The following CDH13 variants were observed in gnomAD, a reference collection of about 807,000 sequenced individuals.
The protein encoded by CDH13 is cadherin 13.
CDH13 carries 24 observed loss-of-function variants against 63.8 expected under a neutral mutation model. The ratio of observed to expected loss-of-function variants is 0.38; its 90% confidence interval spans 0.27 to 0.53. The LOEUF (loss-of-function observed/expected upper bound fraction) is 0.53, where lower values mean the gene tolerates loss of function less well. Ranked by LOEUF, CDH13 falls within the 20% of genes least tolerant of loss-of-function variation. CDH13 has a pLI of 0.85. For missense variants in CDH13, 1,049 were observed against 903.1 expected (o/e 1.16, Z -2.07); for synonymous variants, 503 against 355.3 (o/e 1.42, Z -4.67).
At chr16:82,633,404 G>C (rs1370740122) in intron 1 of CDH13, among the ~76,000 whole-genome samples, 1 of 152,172 alleles carries the variant, frequency 6.6e-6, no homozygotes, top group African/African-American at 2.4e-5. Flanking sequence ...CTTTGAGACG[G>C]AGTCTTGCTT....
intron 5 of CDH13, among the ~76,000 whole-genome samples, chr16:83,219,354 G>T (rs1468883598): frequency 6.6e-6 from 1 of 152,180 alleles, no homozygotes; most frequent in Non-Finnish European, 1.5e-5. Context: ...GTAGTTAAAA[G>T]CATGGATTCT....
intron 11 of CDH13, among the ~76,000 whole-genome samples, chr16:83,755,912 T>A (rs1179473100): frequency 6.6e-6 from 1 of 152,040 alleles, no homozygotes; most frequent in African/African-American, 2.4e-5. Context: ...GTAAATGAAG[T>A]AAAATTGTAA....
At position 83,175,995 on chromosome 16, in the gene CDH13, ATTTTTG is replaced by A. The variant is rs947340248; in HGVS notation, c.484-41326_484-41321del. Among the ~76,000 whole-genome samples, 29 of 150,468 alleles carry A rather than the reference ATTTTTG, an allele frequency of 1.9e-4. No individual in the cohort carries two copies. In the East Asian group the frequency reaches 2.2e-3, roughly 11 times the overall value. On this transcript the variant is annotated intron_variant, in intron 4 of 13. Coordinates refer to ENST00000567109, the MANE Select transcript of CDH13 (RefSeq NM_001257.5). ...AGGCATGTGCCACAATGCCTGGCTA[ATTTTTG>A]TTTTTGTTTTTGTTTTTGTTTTTTT... is the stretch of plus-strand genomic sequence containing the variant.
intron 5 of CDH13, among the ~76,000 whole-genome samples, chr16:83,237,161 C>T (rs922992824): frequency 1.3e-5 from 2 of 152,114 alleles, no homozygotes; most frequent in African/African-American, 2.4e-5. Context: ...CAGCCTAAAG[C>T]GGTGTTCAGT....
intron 1 of CDH13, among the ~76,000 whole-genome samples, chr16:82,817,463 A>G (rs886612670): frequency 6.6e-6 from 1 of 152,156 alleles, no homozygotes; most frequent in African/African-American, 2.4e-5. Flanking sequence ...AAATACTCTC[A>G]TACACACAGA....
intron 5 of CDH13, among the ~76,000 whole-genome samples, chr16:83,315,049 G>T (rs2090078002): frequency 6.6e-6 from 1 of 152,190 alleles, no homozygotes; most frequent in South Asian, 2.1e-4. Flanking sequence ...CTACAAAAGG[G>T]TCACCCATGC....
intron 9 of CDH13, among the ~76,000 whole-genome samples, chr16:83,677,305 G>A (rs561082870): frequency 6.6e-6 from 1 of 152,170 alleles, no homozygotes; most frequent in Admixed American, 6.5e-5. Context: ...GGCTGGGGGA[G>A]GTAGATACTA....
At chr16:82,845,251 A>T (rs143343224) in intron 1 of CDH13, among the ~76,000 whole-genome samples, 12 of 152,330 alleles carry the variant, frequency 7.9e-5, no homozygotes, top group African/African-American at 2.6e-4. Context: ...GTCTGCAAGA[A>T]GGCAGGTGGG....
chr16:83,110,587 C>T (rs552504871), intron 3 of CDH13, among the ~76,000 whole-genome samples: 40 of 152,254 alleles, frequency 2.6e-4, no homozygotes, highest in Admixed American at 7.2e-4. Flanking sequence ...CATACTTGTA[C>T]ATACTTACTG....
intron 10 of CDH13, among the ~76,000 whole-genome samples, chr16:83,720,607 C>A (rs1353310529): frequency 6.6e-6 from 1 of 152,016 alleles, no homozygotes; most frequent in African/African-American, 2.4e-5. Context: ...ACAAGGGGAG[C>A]CCAGAAATGA....
Position 83,757,060 on chromosome 16 carries a change from A to C in CDH13, c.1681+8810A>C, listed in dbSNP as rs143281484. ...AGTCTAACAAACGTTTTTAACTGCA[A>C]TTATTTCTAGTATATCCTCCAATCA... On this transcript the variant is annotated intron_variant, in intron 11 of 13. Transcript: ENST00000567109. Among the ~76,000 whole-genome samples the C allele has an allele frequency of 7.4e-3, 1,128 of 152,348 alleles. 7 individuals carry two copies. The highest frequency in any genetic ancestry group is 0.034 in the Middle Eastern group (10 of 294).
chr16:83,679,282 G>T (rs751245735), intron 10 of CDH13, among the ~76,000 whole-genome samples: 1 of 152,142 alleles, frequency 6.6e-6, no homozygotes. Context: ...TTAAATCAGC[G>T]TGCAGATCCA....
chr16:83,718,844 C>G (rs553867126), intron 10 of CDH13, among the ~76,000 whole-genome samples: 3 of 152,280 alleles, frequency 2.0e-5, no homozygotes, highest in Admixed American at 6.5e-5. Context: ...ACCCTGTATT[C>G]TTCTTGTCTC....
chr16:82,707,878 C>G lies in CDH13; in HGVS notation c.45+80741C>G, dbSNP rs540943823. ...TACCCAAAGAAAGGAGCATATGTGTCGGTTAGGGAAAGACCAAGCTTCCAT... is the reference window on the plus strand; with the variant it reads ...TACCCAAAGAAAGGAGCATATGTGTGGGTTAGGGAAAGACCAAGCTTCCAT... On this transcript the variant is annotated intron_variant, in intron 1 of 13. Coordinates refer to ENST00000567109, the MANE Select transcript of CDH13 (RefSeq NM_001257.5). Among the ~76,000 whole-genome samples, 5 of 152,240 alleles carry G rather than the reference C, an allele frequency of 3.3e-5. No homozygotes were observed. In the South Asian group the frequency reaches 8.3e-4, roughly 25 times the overall value.
chr16:82,792,902 C>G (rs17192646), intron 1 of CDH13, among the ~76,000 whole-genome samples: 10,255 of 148,682 alleles, frequency 0.069, 441 homozygotes, highest in Middle Eastern at 0.1. Context: ...GCCTGGCACT[C>G]TCCCAAAGGC....
intron 2 of CDH13, among the ~76,000 whole-genome samples, chr16:83,003,363 TTATC>T (rs1913140413): frequency 1.3e-5 from 2 of 152,196 alleles, no homozygotes; most frequent in African/African-American, 2.4e-5. Context: ...CATTGATAAT[TTATC>T]TATTTAACTG....
chr16:82,693,308 G>A (rs1448536035), intron 1 of CDH13, among the ~76,000 whole-genome samples: 1 of 152,130 alleles, frequency 6.6e-6, no homozygotes, highest in Non-Finnish European at 1.5e-5. Flanking sequence ...TTAGTTTGTG[G>A]CAAGATAACT....
intron 5 of CDH13, among the ~76,000 whole-genome samples, chr16:83,261,499 C>T (rs1161630654): frequency 1.3e-5 from 2 of 151,960 alleles, no homozygotes; most frequent in Non-Finnish European, 2.9e-5. Flanking sequence ...ATGAGTGGGG[C>T]TAGGTGTCCA....
intron 2 of CDH13, among the ~76,000 whole-genome samples, chr16:82,972,796 C>G (rs570689652): frequency 1.5e-4 from 23 of 152,246 alleles, no homozygotes; most frequent in African/African-American, 5.5e-4. Flanking sequence ...TGAGAAAGAG[C>G]TTGTCAAGCT....
Sources: allele counts gnomAD v4.1 joint callset (sites outside exome capture counted in the v4.1 genomes callset), GRCh38; gene constraint gnomAD v4.1.1; transcripts MANE v1.5; gene names NCBI Gene and HGNC (gene_info 2026-07-23, HGNC 2026-07-21).